KIAA0586: variants seen among roughly 807,000 people sequenced by gnomAD.
KIAA0586 encodes protein TALPID3.
Under a neutral mutation model 169.8 loss-of-function variants are expected in KIAA0586, and 144 were observed. The observed-to-expected ratio is 0.85, with a 90% CI of 0.74 to 0.97. The LOEUF (loss-of-function observed/expected upper bound fraction) is 0.97, where lower values mean the gene tolerates loss of function less well. KIAA0586 is among the 50% of genes least tolerant of loss of function. KIAA0586 has a pLI of 0.00. For missense variants in KIAA0586, 1,854 were observed against 1,823.0 expected (o/e 1.02, Z -0.31); for synonymous variants, 625 against 612.4 (o/e 1.02, Z -0.30).
chr14:58,543,047 G>A (rs2046750281), intron 30 of KIAA0586, among the ~76,000 whole-genome samples: 1 of 151,288 alleles, frequency 6.6e-6, no homozygotes, highest in Non-Finnish European at 1.5e-5. Context: ...CAGGAGAATG[G>A]CGTGAACTCA....
chr14:58,498,825 C>T lies in KIAA0586; in HGVS notation c.4033C>T (p.Pro1345Ser). 1 of 1,611,224 alleles carries T rather than the reference C, an allele frequency of 6.2e-7. No individual in the cohort carries two copies. Among genetic ancestry groups the T allele is most frequent in the Non-Finnish European group, 8.5e-7 (1 of 1,178,746 alleles). ...GGGTGAACTTAGTGAAGGACAAAGA[C>T]CCCAGCTAACAGCGGCAGCAGAGAA... ...SVGELSEGQR[P>S]QLTAAAENIL... The change falls in exon 27 of 31, where the codon CCC becomes TCC. Residue 1345 changes from proline (P) to serine (S), a missense_variant. Coordinates refer to ENST00000652326, the MANE Select transcript of KIAA0586 (RefSeq NM_001329943.3).
chr14:58,529,515 A>T (rs1237613721), intron 29 of KIAA0586, among the ~76,000 whole-genome samples: 1 of 152,198 alleles, frequency 6.6e-6, no homozygotes, highest in African/African-American at 2.4e-5. Flanking sequence ...ACCTCAATCA[A>T]GTCAGCTTCA....
chr14:58,473,962 A>C (rs2041418653), intron 18 of KIAA0586, among the ~76,000 whole-genome samples: 1 of 152,072 alleles, frequency 6.6e-6, no homozygotes, highest in Non-Finnish European at 1.5e-5. Flanking sequence ...CAGGCTGTAC[A>C]AGAAGCATGG....
intron 14 of KIAA0586, among the ~76,000 whole-genome samples, 173 bp from the exon 15 acceptor site, chr14:58,465,635 GTGGCCTGCCAGACAAATATTTACTGTC>G (rs2140937023): frequency 6.6e-6 from 1 of 152,246 alleles, no homozygotes; most frequent in Non-Finnish European, 1.5e-5. Context: ...CTGAGATCAC[GTGGCCTGCCAGACAAATATTTACTGTC>G]TGGCCATTTA....
chr14:58,499,562 T>G (rs1243744380), intron 27 of KIAA0586, among the ~76,000 whole-genome samples: 1 of 149,188 alleles, frequency 6.7e-6, no homozygotes, highest in East Asian at 2.0e-4. Context: ...TATTTTATTT[T>G]ATTTTATTTT....
chr14:58,448,597 T>C (rs2039100659), intron 7 of KIAA0586, 104 bp downstream of exon 7: 1 of 723,878 alleles, frequency 1.4e-6, no homozygotes, highest in Non-Finnish European at 2.0e-6. Context: ...GTTTTTGTTT[T>C]ATAAAATTTA....
chr14:58,547,155 T>TA (rs60672104), intron 30 of KIAA0586, among the ~76,000 whole-genome samples: 52,260 of 144,590 alleles, frequency 0.36, 9,137 homozygotes, highest in South Asian at 0.48. Flanking sequence ...TTACCTCTTT[T>TA]AAAAAAAAAA....
At chr14:58,536,540 C>T (rs186458708) in intron 29 of KIAA0586, among the ~76,000 whole-genome samples, 4 of 152,208 alleles carry the variant, frequency 2.6e-5, no homozygotes, top group Non-Finnish European at 5.9e-5. Context: ...AAAGGATGTA[C>T]ACTAACTATA....
At position 58,492,162 on chromosome 14, in the gene KIAA0586, G is replaced by A. The variant is rs1391954813; in HGVS notation, c.3877G>A (p.Glu1293Lys). The change falls in exon 26 of 31, where the codon GAA becomes AAA. Residue 1293 changes from glutamate to lysine, a missense_variant. Glu to Lys is a moderately conservative substitution (Grantham distance 56). Coordinates refer to ENST00000652326, the MANE Select transcript of KIAA0586 (RefSeq NM_001329943.3). ...CTTTTAGGAGGATGATCCTCCTAGT[G>A]AAGGGCAAGTGATTAGGATGTCCCA... is the stretch of plus-strand genomic sequence containing the variant. ...AVEMEDDPPS[E>K]GQVIRMSHKK... 1 of 1,541,716 alleles carries A rather than the reference G, an allele frequency of 6.5e-7. No homozygotes were observed. The highest frequency in any genetic ancestry group is 8.8e-7 in the Non-Finnish European group (1 of 1,142,820).
chr14:58,554,195 T>C (rs2047231999), downstream of KIAA0586, among the ~76,000 whole-genome samples: 1 of 151,976 alleles, frequency 6.6e-6, no homozygotes, highest in South Asian at 2.1e-4. Context: ...GCTAATGCCT[T>C]GTTGCCCAAA....
the KIAA0586 span, among the ~76,000 whole-genome samples, chr14:58,557,901 C>CTTTTGTTTTTTTTTTTTTT: frequency 2.4e-5 from 1 of 42,500 alleles, no homozygotes; most frequent in South Asian, 1.3e-3. Flanking sequence ...CCTGAGAAAT[C>CTTTTGTTTTTTTTTTTTTT]TTTTTTTTTT....
chr14:58,438,650 C>A (rs542701185), intron 4 of KIAA0586, among the ~76,000 whole-genome samples: 4 of 152,118 alleles, frequency 2.6e-5, no homozygotes, highest in African/African-American at 9.7e-5. Context: ...AAGTAGCAAG[C>A]CTCCGTTGAT....
chr14:58,459,736 C>T (rs1372185913), intron 12 of KIAA0586, 107 bp from the exon 13 acceptor site: 14 of 604,538 alleles, frequency 2.3e-5, no homozygotes, highest in Non-Finnish European at 3.5e-5. Context: ...TTTAAAACTG[C>T]TAAACTGTAT....
Position 58,442,974 on chromosome 14 carries a change from G to C in KIAA0586, c.585+94G>C. 3 of 892,976 alleles carry C rather than the reference G, an allele frequency of 3.4e-6. No homozygotes were observed. The South Asian group carries it at 5.6e-5, about 17-fold the overall frequency. The allele number at this position is 892,976 out of a possible 1,614,324, so 55.3% of individuals were successfully genotyped here. A position where few individuals can be genotyped will look rare whatever the true frequency, so the allele number is the denominator to read the frequency against. On this transcript the variant is annotated intron_variant, in intron 5 of 30. Transcript: ENST00000652326. ...CTATAAATGGTTGTGTCCAGTTATAGACTAGGAACATTGTAGTTGCTCTCA... is the reference window on the plus strand; with the variant it reads ...CTATAAATGGTTGTGTCCAGTTATACACTAGGAACATTGTAGTTGCTCTCA...
chr14:58,458,560 A>G lies in KIAA0586; in HGVS notation c.1656+15A>G. 2 of 1,436,618 alleles carry G rather than the reference A, an allele frequency of 1.4e-6. No homozygotes were observed. 89.0% of individuals were successfully genotyped at this position (1,436,618 alleles called of 1,614,324 possible). A position where few individuals can be genotyped will look rare whatever the true frequency, so the allele number is the denominator to read the frequency against. The stretch of plus-strand genomic sequence containing the variant: ...CAGAAATTCAGGTATGTCTTGGAAA[A>G]AAACTGAAAATTAAGTGAATTCTCA... On this transcript the variant is annotated intron_variant, in intron 12 of 30. Transcript: ENST00000652326.
At chr14:58,445,949 G>T (rs112765075) in intron 6 of KIAA0586, among the ~76,000 whole-genome samples, 2 of 151,220 alleles carry the variant, frequency 1.3e-5, no homozygotes, top group Non-Finnish European at 2.9e-5. Flanking sequence ...GTTCACTGCA[G>T]CCTCCGCCTC....
intron 14 of KIAA0586, among the ~76,000 whole-genome samples, chr14:58,461,545 C>A (rs893268309): frequency 5.3e-5 from 8 of 152,090 alleles, no homozygotes; most frequent in African/African-American, 1.9e-4. Flanking sequence ...AGTGATCCTC[C>A]CCTCTCAGCC....
At chr14:58,560,961 C>T in the KIAA0586 span, among the ~76,000 whole-genome samples, 10 of 152,130 alleles carry the variant, frequency 6.6e-5, no homozygotes, top group Non-Finnish European at 1.5e-4. Flanking sequence ...AGAAAAGGGG[C>T]ATATAGTTCC....
chr14:58,459,723 G>A (rs1272177601), intron 12 of KIAA0586, 120 bp from the exon 13 acceptor site: 4 of 488,702 alleles, frequency 8.2e-6, no homozygotes, highest in Admixed American at 3.9e-5. Flanking sequence ...TATTTTTAAT[G>A]CATTTAAAAC....
Sources: allele counts gnomAD v4.1 joint callset (sites outside exome capture counted in the v4.1 genomes callset), GRCh38; gene constraint gnomAD v4.1.1; transcripts MANE v1.5; gene names NCBI Gene and HGNC (gene_info 2026-07-23, HGNC 2026-07-21).